MTHFSD: variants seen among roughly 807,000 people sequenced by gnomAD.
The protein encoded by MTHFSD is methenyltetrahydrofolate synthase domain-containing protein.
Under a neutral mutation model 31.1 loss-of-function variants are expected in MTHFSD, and 37 were observed. The observed-to-expected ratio is 1.19, with a 90% confidence interval of 0.91 to 1.56. The LOEUF is 1.56. Ranked by LOEUF, MTHFSD falls within the 40% of genes most tolerant of loss-of-function variation. The pLI, the probability that MTHFSD is intolerant of heterozygous loss-of-function variation, is 0.00. For missense variants in MTHFSD, 664 were observed against 510.1 expected (o/e 1.30, Z -2.91); for synonymous variants, 221 against 206.9 (o/e 1.07, Z -0.59).
rs182197913 is a variant in MTHFSD at position 86,540,733 on chromosome 16, T to C, written c.681+964A>G. 192 of 989,862 alleles carry C rather than the reference T, an allele frequency of 1.9e-4. 2 individuals are homozygous for C. The African/African-American group carries it at 2.8e-3, about 15-fold the overall frequency. The allele number at this position is 989,862 out of a possible 1,614,324, so 61.3% of individuals were successfully genotyped here. A position where few individuals can be genotyped will look rare whatever the true frequency, so the allele number is the denominator to read the frequency against. On this transcript the variant is annotated intron_variant, in intron 7 of 7. Coordinates refer to ENST00000360900, the MANE Select transcript of MTHFSD (RefSeq NM_001159377.2). Reference sequence around the variant, plus strand: ...AGAAAGACATCAAGGGATATTTTCATTTCCTGGAAGAGCAGTGACCACCTT... The same window carrying C: ...AGAAAGACATCAAGGGATATTTTCACTTCCTGGAAGAGCAGTGACCACCTT...
At chr16:86,552,388 C>T (rs1973296174) in intron 2 of MTHFSD, 1 of 1,002,790 alleles carries the variant, frequency 1.0e-6, no homozygotes, top group Non-Finnish European at 1.4e-6. Context: ...CCCAGACAGG[C>T]ACTAACAGTC....
In MTHFSD at chr16:86,542,562, G is replaced by C. The variant is rs1971677558; in HGVS notation, c.443-349C>G. ...GAATGAAAAGAGCAGTTCTCAAAAA[G>C]ACTAAAAACAAATTCCCACTGAAAG... is the stretch of plus-strand genomic sequence containing the variant. On this transcript the variant is annotated intron_variant, in intron 5 of 7. Transcript: ENST00000360900. The surrounding 1 kb of genome is among the most constrained non-coding windows in gnomAD (Gnocchi z 4.6). The C allele has an allele frequency of 5.0e-6, 1 of 198,260 alleles. No individual in the cohort carries two copies. The highest frequency in any genetic ancestry group is 1.8e-3 in the Middle Eastern group (1 of 554). The allele number at this position is 198,260 out of a possible 1,614,324, so 12.3% of individuals were successfully genotyped here.
At chr16:86,547,070 C>CGAGAT in intron 4 of MTHFSD, 1 of 742,894 alleles carries the variant, frequency 1.3e-6, no homozygotes. Context: ...GGGACACCAC[C>CGAGAT]CTCTGCCTCG....
rs1452846061 is a variant in MTHFSD, at chr16:86,548,016, A to C, written c.351+448T>G. The C allele has an allele frequency of 3.1e-6, 4 of 1,284,678 alleles. No homozygotes were observed. The African/African-American group carries it at 4.6e-5, about 15-fold the overall frequency. 79.6% of individuals were successfully genotyped at this position (1,284,678 alleles called of 1,614,324 possible). On this transcript the variant is annotated intron_variant, in intron 4 of 7. Transcript: ENST00000360900. Reference sequence around the variant, plus strand: ...CATTCAAGAAAATCTTAAATATGTAATTATCAGCAATTACTCACTTAGAAC... The same window carrying C: ...CATTCAAGAAAATCTTAAATATGTACTTATCAGCAATTACTCACTTAGAAC...
chr16:86,554,593 C>A, intron 2 of MTHFSD, 52 bp downstream of exon 2: 3 of 1,314,998 alleles, frequency 2.3e-6, no homozygotes, highest in Admixed American at 1.7e-5. Flanking sequence ...TAGTGTTATT[C>A]ATTTAAGAAT....
chr16:86,543,306 C>A (rs772741520), intron 5 of MTHFSD, among the ~76,000 whole-genome samples: 1 of 152,140 alleles, frequency 6.6e-6, no homozygotes, highest in East Asian at 1.9e-4. Flanking sequence ...TGTTGAGGGC[C>A]GAAAGTGAGC....
At position 86,546,453 on chromosome 16, in the gene MTHFSD, C is replaced by T. The variant is rs1972323235; in HGVS notation, c.442+106G>A. Reference sequence around the variant, plus strand: ...GGCTTCGGAGACCAGGTAAGCGCATCCAGAAAGCAGACACCACTGGCGACT... The same window carrying T: ...GGCTTCGGAGACCAGGTAAGCGCATTCAGAAAGCAGACACCACTGGCGACT... On this transcript the variant is annotated intron_variant, in intron 5 of 7. Coordinates refer to ENST00000360900, the MANE Select transcript of MTHFSD (RefSeq NM_001159377.2). 6.2e-6 allele frequency: 6 copies of T among 973,928 alleles called. No individual in the cohort carries two copies. The Admixed American group carries it at 8.6e-5, about 14-fold the overall frequency. 60.3% of individuals were successfully genotyped at this position (973,928 alleles called of 1,614,324 possible).
At chr16:86,541,436 A>G (rs1037818290) in intron 7 of MTHFSD, 12 of 615,226 alleles carry the variant, frequency 2.0e-5, no homozygotes, top group East Asian at 1.6e-4. Flanking sequence ...TCACCCTCCC[A>G]GCCCATGTGG....
chr16:86,552,283 G>A (rs1265167181), intron 2 of MTHFSD, 137 bp from the exon 3 acceptor site: 9 of 1,580,910 alleles, frequency 5.7e-6, no homozygotes, highest in Non-Finnish European at 7.7e-6. Context: ...TCGGCAGCAT[G>A]AGAAGCGCCC....
chr16:86,554,917 C>T lies in MTHFSD; in HGVS notation c.17-166G>A, dbSNP rs1468817398. On this transcript the variant is annotated intron_variant, in intron 1 of 7. Coordinates refer to ENST00000360900, the MANE Select transcript of MTHFSD (RefSeq NM_001159377.2). ...CTCAAGGGGCCCACGGGCTCCCCCA[C>T]GTGCACGGCAGGTGTCCCTCCCGCC... The T allele has an allele frequency of 2.7e-6, 3 of 1,097,950 alleles. No homozygotes were observed. The Admixed American group carries it at 8.7e-5, about 32-fold the overall frequency. 68.0% of individuals were successfully genotyped at this position (1,097,950 alleles called of 1,614,324 possible). A position where few individuals can be genotyped will look rare whatever the true frequency, so the allele number is the denominator to read the frequency against.
chr16:86,545,360 T>C (rs1373844383), intron 5 of MTHFSD, among the ~76,000 whole-genome samples: 2 of 152,164 alleles, frequency 1.3e-5, no homozygotes, highest in East Asian at 3.8e-4. Context: ...ACATGGTTAC[T>C]TTACTACTTT....
At chr16:86,547,058 C>T in intron 4 of MTHFSD, 3 of 671,470 alleles carry the variant, frequency 4.5e-6, no homozygotes, top group Admixed American at 1.1e-4. Context: ...AGCTGTAAGA[C>T]AGGGACACCA....
intron 2 of MTHFSD, chr16:86,553,225 C>G (rs1169949005): frequency 6.6e-6 from 1 of 152,258 alleles, no homozygotes; most frequent in Non-Finnish European, 1.5e-5. Context: ...AAATATTTTA[C>G]TTTGTATCAA....
intron 7 of MTHFSD, 106 bp downstream of exon 7, chr16:86,541,591 T>C: frequency 6.8e-7 from 1 of 1,474,776 alleles, no homozygotes; most frequent in Non-Finnish European, 9.2e-7. Context: ...GATTCTAACA[T>C]ACAGCCATGC....
chr16:86,534,152 G>A (rs569111562), intron 7 of MTHFSD, among the ~76,000 whole-genome samples: 96 of 152,362 alleles, frequency 6.3e-4, no homozygotes, highest in Non-Finnish European at 1.1e-3. Flanking sequence ...AACAACTCAT[G>A]TCTATGCCAT....
intron 4 of MTHFSD, chr16:86,548,200 G>T: frequency 9.2e-7 from 1 of 1,091,614 alleles, no homozygotes; most frequent in Non-Finnish European, 1.2e-6. Context: ...CAGATCACCC[G>T]TCTTCCCTTT....
At position 86,548,350 on chromosome 16, in the gene MTHFSD, T is replaced by C. The variant is rs1277584920; in HGVS notation, c.351+114A>G. ...TGAATACTTTAATATCTCTGTTCTT[T>C]TGGCTCTGTTAAAAATGAATTCCAA... On this transcript the variant is annotated intron_variant, in intron 4 of 7. Transcript: ENST00000360900. 5.1e-6 allele frequency: 5 copies of C among 976,976 alleles called. No homozygotes were observed. The East Asian group carries it at 7.2e-5, about 14-fold the overall frequency. 60.5% of individuals were successfully genotyped at this position (976,976 alleles called of 1,614,324 possible). A position where few individuals can be genotyped will look rare whatever the true frequency, so the allele number is the denominator to read the frequency against.
At chr16:86,554,210 C>G (rs117815224) in intron 2 of MTHFSD, among the ~76,000 whole-genome samples, 7 of 152,314 alleles carry the variant, frequency 4.6e-5, no homozygotes, top group Non-Finnish European at 7.3e-5. Context: ...TGAGCTGCAA[C>G]ACTCTCTGCT....
rs1287890271 is a variant in MTHFSD, at chr16:86,531,082, C to T, written c.*929G>A. On this transcript the variant is annotated 3_prime_UTR_variant, in exon 8 of 8. Coordinates refer to ENST00000360900, the MANE Select transcript of MTHFSD (RefSeq NM_001159377.2). This position sits in a 1 kb window ranked among gnomAD's most constrained non-coding sequence, Gnocchi z 5.5. ...GCTTCAAAGAACACTTGGTAAAACCCTCTGGCTAAAAAATCAAAATTTCCA... is the reference window on the plus strand; with the variant it reads ...GCTTCAAAGAACACTTGGTAAAACCTTCTGGCTAAAAAATCAAAATTTCCA... The T allele has an allele frequency of 6.6e-6, 1 of 152,136 alleles. No individual in the cohort carries two copies. The highest frequency in any genetic ancestry group is 2.1e-4 in the South Asian group (1 of 4,826). The allele number at this position is 152,136 out of a possible 1,614,324, so 9.4% of individuals were successfully genotyped here.
Sources: gnomAD v4.1 joint callset for allele counts (sites outside exome capture counted in the v4.1 genomes callset) on GRCh38, gnomAD v4.1.1 for gene constraint, Gnocchi (gnomAD v3.1) non-coding constraint, MANE v1.5 for transcripts, NCBI Gene and HGNC (gene_info 2026-07-23, HGNC 2026-07-21) for gene names.